The following BRDT variants were observed in gnomAD, a reference collection of about 807,000 sequenced individuals.
BRDT encodes bromodomain testis-specific protein.
Under a neutral mutation model 113.9 loss-of-function variants are expected in BRDT, and 77 were observed. That is an observed-to-expected ratio of 0.68 (90% CI 0.56 to 0.82). The LOEUF (loss-of-function observed/expected upper bound fraction) is 0.82. BRDT is among the 40% of genes least tolerant of loss of function. The pLI, the probability that BRDT is intolerant of heterozygous loss-of-function variation, is 0.00. For missense variants in BRDT, 1,027 were observed against 1,105.4 expected (o/e 0.93, Z 1.01); for synonymous variants, 358 against 366.5 (o/e 0.98, Z 0.26).
intron 17 of BRDT, among the ~76,000 whole-genome samples, 194 bp from the exon 18 acceptor site, chr1:92,004,925 T>A (rs1271762473): frequency 6.6e-6 from 1 of 152,200 alleles, no homozygotes; most frequent in Non-Finnish European, 1.5e-5. Flanking sequence ...GGCCACAGTT[T>A]TCCAAAACCA....
At chr1:91,965,090 T>C (rs1682923679) in intron 3 of BRDT, among the ~76,000 whole-genome samples, 1 of 151,846 alleles carries the variant, frequency 6.6e-6, no homozygotes, top group Admixed American at 6.6e-5. Context: ...TTGTATCTTT[T>C]TTTAGTAGAG....
Position 91,977,206 on chromosome 1 carries a change from A to T in BRDT, c.782A>T (p.Tyr261Phe), listed in dbSNP as rs917496129. ...KNVLPDSQQQ[Y>F]NVVKTVKVTE... ...GTTTTGCCAGATTCTCAGCAACAATATAATGTTGTGAAGACTGTTAAAGTA... is the reference window on the plus strand; with the variant it reads ...GTTTTGCCAGATTCTCAGCAACAATTTAATGTTGTGAAGACTGTTAAAGTA... The change falls in exon 6 of 19, where the codon TAT (tyrosine) becomes TTT (phenylalanine). Residue 261 changes from tyrosine to phenylalanine, a missense_variant. Coordinates refer to ENST00000399546, the MANE Select transcript of BRDT (RefSeq NM_207189.4). 2 of 1,613,974 alleles carry T rather than the reference A, an allele frequency of 1.2e-6. No individual in the cohort carries two copies. Among genetic ancestry groups the T allele is most frequent in the Non-Finnish European group, 1.7e-6 (2 of 1,179,994 alleles).
intron 2 of BRDT, among the ~76,000 whole-genome samples, chr1:91,963,270 C>T (rs1263746056): frequency 1.3e-5 from 2 of 152,040 alleles, no homozygotes; most frequent in Non-Finnish European, 2.9e-5. Flanking sequence ...TGTGGTAAGC[C>T]GAGATTGTGC....
Position 91,981,652 on chromosome 1 carries a change from T to C in BRDT, c.1899T>C (p.Asn633=), listed in dbSNP as rs201111276. The change falls in exon 12 of 19, where the codon AAT becomes AAC. Residue 633 remains asparagine (N), a synonymous_variant. Transcript: ENST00000399546. ...DKTQPSKAVE[N]VSRLSESSSS... ...CGCAACCATCCAAAGCTGTTGAAAA[T>C]GTTTCCCGACTGAGTGAGAGCAGCA... 64 of 1,614,002 alleles carry C rather than the reference T, an allele frequency of 4.0e-5. No homozygotes were observed. Among genetic ancestry groups the C allele is most frequent in the Non-Finnish European group, 5.0e-5 (59 of 1,180,016 alleles).
intron 17 of BRDT, among the ~76,000 whole-genome samples, 161 bp from the exon 18 acceptor site, chr1:92,004,958 C>T (rs962749581): frequency 6.6e-6 from 1 of 152,008 alleles, no homozygotes; most frequent in African/African-American, 2.4e-5. Context: ...TATGGATTAG[C>T]CTATGTGTAA....
rs1303089452 is a variant in BRDT, at chr1:91,978,260, A to G, written c.1062A>G (p.Pro354=). Residue 354 remains proline, a synonymous_variant, in exon 7 of 19, where the codon CCA becomes CCG. Coordinates refer to ENST00000399546, the MANE Select transcript of BRDT (RefSeq NM_207189.4). Reference sequence around the variant, plus strand: ...TGAATTGCTACAAGTACAATCCTCCAGATCACGAAGTTGTGACAATGGCAA... The same window carrying G: ...TGAATTGCTACAAGTACAATCCTCCGGATCACGAAGTTGTGACAATGGCAA... ...MFMNCYKYNP[P]DHEVVTMARM... The G allele has an allele frequency of 1.2e-6, 2 of 1,614,032 alleles. No homozygotes were observed. Among genetic ancestry groups the G allele is most frequent in the Non-Finnish European group, 1.7e-6 (2 of 1,180,026 alleles).
intron 4 of BRDT, among the ~76,000 whole-genome samples, chr1:91,973,212 G>C: frequency 6.6e-6 from 1 of 152,206 alleles, no homozygotes; most frequent in Non-Finnish European, 1.5e-5. Context: ...AAGTGAGGTA[G>C]TGTGATGCCT....
intron 12 of BRDT, among the ~76,000 whole-genome samples, chr1:91,983,409 C>G (rs931518199): frequency 2.6e-5 from 4 of 151,740 alleles, no homozygotes; most frequent in African/African-American, 2.4e-5. Flanking sequence ...GGACTACAGG[C>G]ACGCCCAGCT....
chr1:91,955,714 T>C (rs1420360093), intron 1 of BRDT, among the ~76,000 whole-genome samples: 1 of 152,202 alleles, frequency 6.6e-6, no homozygotes, highest in East Asian at 1.9e-4. Context: ...GGATACATTA[T>C]AAAAGGGAAA....
At chr1:91,997,492 C>G (rs1211534314) in intron 15 of BRDT, among the ~76,000 whole-genome samples, 1 of 152,062 alleles carries the variant, frequency 6.6e-6, no homozygotes, top group Non-Finnish European at 1.5e-5. Context: ...ACTCTTTTAA[C>G]TAGAGTATGT....
At chr1:91,997,942 A>G (rs1686489766) in intron 15 of BRDT, among the ~76,000 whole-genome samples, 1 of 152,232 alleles carries the variant, frequency 6.6e-6, no homozygotes, top group Non-Finnish European at 1.5e-5. Flanking sequence ...TAAAAGCAAT[A>G]TGTTGAAGTT....
At chr1:91,967,402 A>AT (rs1191398119) in intron 3 of BRDT, among the ~76,000 whole-genome samples, 256 of 134,534 alleles carry the variant, frequency 1.9e-3, no homozygotes, top group Admixed American at 4.4e-3. Context: ...CACCTGGCTA[A>AT]TTTTTTTTTT....
In BRDT at chr1:92,007,895, T is replaced by TCA. The variant is rs1454745369; in HGVS notation, c.2775+2596_2775+2597insCA. 8.9e-4 allele frequency among the ~76,000 whole-genome samples: 135 copies of TCA among 151,522 alleles called. 1 individual carries two copies. The highest frequency in any genetic ancestry group is 3.4e-3 in the Middle Eastern group (1 of 294). On this transcript the variant is annotated intron_variant, in intron 18 of 18. Coordinates refer to ENST00000399546, the MANE Select transcript of BRDT (RefSeq NM_207189.4). ...TTCATTCCTTTATTTATTTATTTAT[T>TCA]TATTCATTCATTCATTCATTCATTC...
rs553351043 is a variant in BRDT at position 91,976,318 on chromosome 1, C to T, written c.498C>T (p.Ser166=). The change falls in exon 5 of 19, where the codon AGC becomes AGT. Residue 166 remains serine (S), a synonymous_variant. Coordinates refer to ENST00000399546, the MANE Select transcript of BRDT (RefSeq NM_207189.4). ...CTGCTAAAGAAAAATCATCACCCAG[C>T]GCAACAGAAAAAGTATTTAAGCAGC... is the stretch of plus-strand genomic sequence containing the variant. ...VSSAKEKSSP[S]ATEKVFKQQE... is the part of the protein sequence containing the mutation. 3.1e-5 allele frequency: 50 copies of T among 1,611,990 alleles called. No homozygotes were observed. In the East Asian group the frequency reaches 9.8e-4, roughly 32 times the overall value.
rs546884758 is a variant in BRDT, at chr1:91,949,441, C to T, written c.-279C>T. ...GGCGAGGAACTGCGGAGAACTGTTG[C>T]CCTGCACCGCTTCATTTTGTGCAGC... On this transcript the variant is annotated 5_prime_UTR_variant, in exon 1 of 19. Transcript: ENST00000399546. The T allele has an allele frequency of 6.6e-6, 1 of 152,376 alleles. No individual in the cohort carries two copies. The highest frequency in any genetic ancestry group is 2.1e-4 in the South Asian group (1 of 4,828). 9.4% of individuals were successfully genotyped at this position (152,376 alleles called of 1,614,324 possible).
At chr1:91,994,316 T>A in intron 15 of BRDT, 62 bp downstream of exon 15, 1 of 1,300,204 alleles carries the variant, frequency 7.7e-7, no homozygotes, top group Non-Finnish European at 1.1e-6. Context: ...TATACATATA[T>A]GAAAATGTTA....
chr1:92,005,945 T>C (rs554959693), intron 18 of BRDT, among the ~76,000 whole-genome samples: 34 of 152,346 alleles, frequency 2.2e-4, no homozygotes, highest in African/African-American at 8.2e-4. Flanking sequence ...AGTCCTAATA[T>C]GCAGAAAATA....
intron 4 of BRDT, among the ~76,000 whole-genome samples, chr1:91,970,317 G>A (rs1339734516): frequency 6.6e-6 from 1 of 152,178 alleles, no homozygotes; most frequent in Non-Finnish European, 1.5e-5. Flanking sequence ...TGGCTGGAGT[G>A]CAGTGGCACT....
chr1:91,977,014 A>G (rs1239122766), intron 5 of BRDT, 29 bp from the exon 6 acceptor site: 13 of 1,495,356 alleles, frequency 8.7e-6, no homozygotes, highest in Middle Eastern at 3.6e-4. Flanking sequence ...TCTCAAATAT[A>G]TTTTTGTTGT....
Sources: allele counts gnomAD v4.1 joint callset (sites outside exome capture counted in the v4.1 genomes callset), GRCh38; gene constraint gnomAD v4.1.1; transcripts MANE v1.5; gene names NCBI Gene and HGNC (gene_info 2026-07-23, HGNC 2026-07-21).